Variants in NAV3 observed in about 807,000 individuals in gnomAD.
The protein encoded by NAV3 is neuron navigator 3.
Under a neutral mutation model 244.7 loss-of-function variants are expected in NAV3, and 87 were observed. That is an observed-to-expected ratio of 0.36 (90% CI 0.30 to 0.42). The LOEUF (loss-of-function observed/expected upper bound fraction) is 0.42, where lower values mean the gene tolerates loss of function less well. NAV3 is among the 20% of genes least tolerant of loss of function. NAV3 has a pLI of 1.00. For synonymous variants in NAV3, 1,126 were observed against 1,042.2 expected, an observed-to-expected ratio of 1.08 and a Z score of -1.55; for missense variants, 2,663 against 2,893.3, an observed-to-expected ratio of 0.92 and a Z score of 1.83.
At chr12:78,186,683 T>C (rs1014824015) in intron 31 of NAV3, among the ~76,000 whole-genome samples, 2 of 151,880 alleles carry the variant, frequency 1.3e-5, no homozygotes, top group Non-Finnish European at 2.9e-5. Context: ...CTTTGAACAC[T>C]TTTTTCTAAA....
chr12:78,140,499 G>A (rs1327340989), intron 20 of NAV3, among the ~76,000 whole-genome samples, 165 bp downstream of exon 20: 2 of 152,122 alleles, frequency 1.3e-5, no homozygotes, highest in Admixed American at 6.6e-5. Flanking sequence ...TAAAGTGCCA[G>A]GTGCTCCACC....
intron 2 of NAV3, among the ~76,000 whole-genome samples, chr12:77,580,791 A>G (rs1387404312): frequency 1.3e-5 from 2 of 152,230 alleles, no homozygotes; most frequent in East Asian, 3.8e-4. Flanking sequence ...TGTAAAAACT[A>G]CGTGATAAAG....
At chr12:78,108,511 C>A (rs1954921317) in intron 12 of NAV3, among the ~76,000 whole-genome samples, 1 of 152,102 alleles carries the variant, frequency 6.6e-6, no homozygotes, top group Non-Finnish European at 1.5e-5. Flanking sequence ...AAATTTGTGT[C>A]ATCAGCACAT....
At chr12:77,838,754 G>A (rs538141507) in intron 1 of NAV3, among the ~76,000 whole-genome samples, 4 of 152,266 alleles carry the variant, frequency 2.6e-5, no homozygotes, top group East Asian at 3.9e-4. Context: ...GAAAGATTAA[G>A]TGGTATAATT....
At chr12:77,619,065 A>G (rs1871255496) in intron 2 of NAV3, among the ~76,000 whole-genome samples, 1 of 152,190 alleles carries the variant, frequency 6.6e-6, no homozygotes, top group Admixed American at 6.5e-5. Context: ...ATATATTTTT[A>G]TAACCCAGGT....
intron 2 of NAV3, among the ~76,000 whole-genome samples, chr12:77,727,335 G>A (rs943382951): frequency 9.9e-5 from 15 of 151,988 alleles, no homozygotes; most frequent in African/African-American, 3.4e-4. Context: ...AGCTTTATCT[G>A]TGGAAGCTTT....
chr12:77,812,485 G>A (rs1014942950), intron 2 of NAV3, among the ~76,000 whole-genome samples: 1 of 151,256 alleles, frequency 6.6e-6, no homozygotes, highest in African/African-American at 2.4e-5. Context: ...CTATCTCGGG[G>A]CTCACTGCAG....
chr12:78,146,375 GA>G lies in NAV3; in HGVS notation c.4694del (p.Lys1565ArgfsTer35). On this transcript the variant is annotated frameshift_variant, in exon 21 of 40. Transcript: ENST00000397909. LOFTEE classifies it high-confidence loss of function. ...TCTTTTTATTGTTTTACAGGCTGAA[GA>G]AAAGGCTCATTCAGAGGTAAAAAAA... is the stretch of plus-strand genomic sequence containing the variant. Reference protein sequence around the residue: ...STSSLYSTAEEKAHSEQIHKL... With the variant: ...STSSLYSTAEXKAHSEQIHKL... The G allele has an allele frequency of 8.2e-6, 9 of 1,095,874 alleles. No homozygotes were observed. The highest frequency in any genetic ancestry group is 3.7e-5 in the South Asian group (2 of 53,518). The allele number at this position is 1,095,874 out of a possible 1,614,324, so 67.9% of individuals were successfully genotyped here.
In NAV3 at chr12:77,831,195, C is replaced by CAGAGAG. The variant is rs71088342; in HGVS notation, c.-249_-244dup. 0.081 allele frequency: 11,766 copies of CAGAGAG among 144,564 alleles called. 1,090 individuals are homozygous for CAGAGAG. Among genetic ancestry groups the CAGAGAG allele is most frequent in the African/African-American group, 0.29 (9,405 of 32,306 alleles). The allele number at this position is 144,564 out of a possible 1,614,324, so 9.0% of individuals were successfully genotyped here. A position where few individuals can be genotyped will look rare whatever the true frequency, so the allele number is the denominator to read the frequency against. Reference sequence around the variant, plus strand: ...AGAGAGAGAGAGAGAGAGAGAGAGACAGAGAGAGAGAGAGAGAGAGAGAAA... The same window carrying CAGAGAG: ...AGAGAGAGAGAGAGAGAGAGAGAGACAGAGAGAGAGAGAGAGAGAGAGAGAGAGAAA... On this transcript the variant is annotated 5_prime_UTR_variant, in exon 1 of 40. Transcript: ENST00000397909.
At chr12:77,811,929 G>C (rs1482621273) in intron 2 of NAV3, among the ~76,000 whole-genome samples, 1 of 152,138 alleles carries the variant, frequency 6.6e-6, no homozygotes, top group Non-Finnish European at 1.5e-5. Context: ...CACCTTAAAA[G>C]GTAACCTGCT....
intron 2 of NAV3, among the ~76,000 whole-genome samples, chr12:77,792,478 T>G (rs73138036): frequency 0.12 from 18,632 of 152,162 alleles, 1,383 homozygotes; most frequent in East Asian, 0.35. Context: ...GGGAGCATCA[T>G]ACAAGGAACC....
rs898644127 is a variant in NAV3, at chr12:77,691,022, A to G, written c.72+118756A>G. On this transcript the variant is annotated intron_variant, in intron 2 of 8. Coordinates refer to the NAV3 transcript ENST00000550042. The stretch of plus-strand genomic sequence containing the variant: ...TTTTATTTCTGCTTGATTTATTTGA[A>G]ACTGTGTCTTTAACAGTTTAGGTGT... Among the ~76,000 whole-genome samples, 14 of 150,090 alleles carry G rather than the reference A, an allele frequency of 9.3e-5. 1 individual carries two copies. The highest frequency in any genetic ancestry group is 3.4e-4 in the African/African-American group (14 of 41,140).
intron 1 of NAV3, among the ~76,000 whole-genome samples, chr12:77,913,072 G>C (rs1160778132): frequency 1.3e-5 from 2 of 151,778 alleles, no homozygotes; most frequent in Non-Finnish European, 2.9e-5. Context: ...GTCAACTTGT[G>C]ACATGAAAAA....
intron 2 of NAV3, among the ~76,000 whole-genome samples, chr12:77,736,121 T>G (rs1253158006): frequency 6.6e-6 from 1 of 152,214 alleles, no homozygotes; most frequent in African/African-American, 2.4e-5. Context: ...TATAGACAAG[T>G]AAACATATTT....
intron 5 of NAV3, among the ~76,000 whole-genome samples, chr12:77,969,854 G>T (rs1366011321): frequency 6.6e-6 from 1 of 151,140 alleles, no homozygotes; most frequent in Non-Finnish European, 1.5e-5. Flanking sequence ...ACAAACAAAA[G>T]AACTTTCTTT....
chr12:77,738,995 G>C (rs1021769310), intron 2 of NAV3, among the ~76,000 whole-genome samples: 1 of 113,220 alleles, frequency 8.8e-6, no homozygotes. Context: ...ATGGGCGACA[G>C]AGCGAGACTC....
intron 2 of NAV3, among the ~76,000 whole-genome samples, chr12:77,738,287 A>G (rs1259692093): frequency 6.6e-6 from 1 of 152,178 alleles, no homozygotes. Context: ...GAAAATGCCA[A>G]ATCCTATGGA....
chr12:78,122,182 C>G lies in NAV3; in HGVS notation c.3992C>G (p.Ser1331Cys), dbSNP rs771780260. ...ATAAGCTTAAGTCACTCGTTGGCCT[C>G]CAGCCCAGCATCGGTTCACTCTTTC... The part of the protein sequence containing the change: ...DVISLSHSLA[S>C]SPASVHSFTS... Residue 1331 changes from serine to cysteine, a missense_variant, in exon 16 of 40, where the codon TCC becomes TGC. Physicochemically the swap from Ser to Cys is moderately radical, Grantham distance 112. Coordinates refer to ENST00000397909, the MANE Select transcript of NAV3 (RefSeq NM_001024383.2). 1 of 1,614,092 alleles carries G rather than the reference C, an allele frequency of 6.2e-7. No homozygotes were observed.
intron 1 of NAV3, among the ~76,000 whole-genome samples, chr12:77,921,209 T>G (rs1014110241): frequency 6.6e-6 from 1 of 152,076 alleles, no homozygotes; most frequent in African/African-American, 2.4e-5. Flanking sequence ...CCTGAGGATA[T>G]GCATATTCAA....
Sources: allele counts gnomAD v4.1 joint callset (sites outside exome capture counted in the v4.1 genomes callset), GRCh38; gene constraint gnomAD v4.1.1; transcripts MANE v1.5; gene names NCBI Gene and HGNC (gene_info 2026-07-23, HGNC 2026-07-21).